Variants in TP63 observed in about 807,000 individuals in gnomAD.
TP63 encodes tumor protein p63.
Under a neutral mutation model 82.8 loss-of-function variants are expected in TP63, and 17 were observed. The observed-to-expected ratio is 0.21, with a 90% CI of 0.14 to 0.31. TP63 has a LOEUF of 0.31. Among genes scored for constraint, TP63 ranks in the 10% least tolerant of loss-of-function variants. TP63 has a pLI of 1.00. For synonymous variants in TP63, 330 were observed against 321.7 expected (o/e 1.03, Z -0.28); for missense variants, 648 against 895.3 (o/e 0.72, Z 3.52).
At chr3:189,742,286 AT>A (rs1157963511) in intron 3 of TP63, among the ~76,000 whole-genome samples, 1 of 147,452 alleles carries the variant, frequency 6.8e-6, no homozygotes, top group African/African-American at 2.5e-5. Context: ...TTTATATCCC[AT>A]CTTTGTATTA....
At chr3:189,824,209 TTTA>T (rs1052127513) in intron 4 of TP63, among the ~76,000 whole-genome samples, 3 of 151,658 alleles carry the variant, frequency 2.0e-5, no homozygotes, top group East Asian at 1.9e-4. Context: ...ATTTATTTAT[TTTA>T]TTATTATTAT....
chr3:189,872,618 A>G (rs1440661109), intron 9 of TP63, among the ~76,000 whole-genome samples: 2 of 152,168 alleles, frequency 1.3e-5, no homozygotes, highest in Non-Finnish European at 2.9e-5. Context: ...CTACAAGATG[A>G]CAGAGCATCT....
At chr3:189,752,227 G>T (rs13082345) in intron 3 of TP63, among the ~76,000 whole-genome samples, 36,885 of 152,094 alleles carry the variant, frequency 0.24, 5,632 homozygotes, top group Non-Finnish European at 0.35. Context: ...AGGCTGGAGT[G>T]CAGTGGCATG....
chr3:189,869,761 C>T (rs1039326635), intron 9 of TP63, among the ~76,000 whole-genome samples: 4 of 150,860 alleles, frequency 2.7e-5, no homozygotes, highest in Non-Finnish European at 5.9e-5. Context: ...TATGAAGGCT[C>T]CACTCTCATT....
At chr3:189,767,803 T>A (rs1723059481) in intron 3 of TP63, among the ~76,000 whole-genome samples, 1 of 152,118 alleles carries the variant, frequency 6.6e-6, no homozygotes, top group Non-Finnish European at 1.5e-5. Flanking sequence ...ATAAACAGAC[T>A]GTTGTACAGA....
rs182204956 is a variant in TP63, at chr3:189,788,426, G to T, written c.325-19846G>T. Among the ~76,000 whole-genome samples, 382 of 152,082 alleles carry T rather than the reference G, an allele frequency of 2.5e-3. 1 individual carries two copies. The highest frequency in any genetic ancestry group is 8.8e-3 in the African/African-American group (366 of 41,530). Reference sequence around the variant, plus strand: ...AGTCGTGAACGTATTTGCAAACTTTGTTTCTGAAATGTATGTTCTAATCTC... The same window carrying T: ...AGTCGTGAACGTATTTGCAAACTTTTTTTCTGAAATGTATGTTCTAATCTC... On this transcript the variant is annotated intron_variant, in intron 3 of 13. Coordinates refer to ENST00000264731, the MANE Select transcript of TP63 (RefSeq NM_003722.5).
chr3:189,689,450 C>A (rs1394006715), intron 1 of TP63, among the ~76,000 whole-genome samples: 1 of 151,724 alleles, frequency 6.6e-6, no homozygotes, highest in Non-Finnish European at 1.5e-5. Context: ...GAAACTGAGA[C>A]CCTGAGGTTC....
At chr3:189,879,665 G>C (rs943054229) in intron 10 of TP63, among the ~76,000 whole-genome samples, 1 of 151,770 alleles carries the variant, frequency 6.6e-6, no homozygotes, top group African/African-American at 2.4e-5. Flanking sequence ...CCAGTAAACC[G>C]TATGCGAAGC....
At chr3:189,825,305 C>G (rs1349966166) in intron 4 of TP63, among the ~76,000 whole-genome samples, 1 of 152,042 alleles carries the variant, frequency 6.6e-6, no homozygotes, top group Non-Finnish European at 1.5e-5. Flanking sequence ...AACTATACAC[C>G]CTGTTGGAGT....
chr3:189,812,361 TCA>T (rs1032586567), intron 4 of TP63, among the ~76,000 whole-genome samples: 7 of 152,218 alleles, frequency 4.6e-5, no homozygotes, highest in African/African-American at 1.7e-4. Context: ...CTTCTCTGTT[TCA>T]CACACACATA....
chr3:189,867,417 G>T (rs1165525702), intron 6 of TP63, among the ~76,000 whole-genome samples: 1 of 152,192 alleles, frequency 6.6e-6, no homozygotes, highest in Non-Finnish European at 1.5e-5. Context: ...ATTAATGGAA[G>T]TATATATTCA....
chr3:189,831,854 G>C (rs1712404489), intron 4 of TP63, among the ~76,000 whole-genome samples: 1 of 124,918 alleles, frequency 8.0e-6, no homozygotes, highest in Admixed American at 8.9e-5. Context: ...TTTTGAGACG[G>C]AGTCTCACTC....
chr3:189,608,224 T>A, the TP63 span, among the ~76,000 whole-genome samples: 3 of 152,264 alleles, frequency 2.0e-5, no homozygotes, highest in Admixed American at 2.0e-4. Context: ...TCCTTGGAAA[T>A]CTTGGGGAGG....
At chr3:189,885,127 G>A (rs1348125989) in intron 10 of TP63, among the ~76,000 whole-genome samples, 1 of 152,198 alleles carries the variant, frequency 6.6e-6, no homozygotes, top group African/African-American at 2.4e-5. Flanking sequence ...AGGTAAACAG[G>A]AACAACATAA....
At position 189,896,625 on chromosome 3, in the gene TP63, C is replaced by T. The variant is rs36064124; in HGVS notation, c.*2123C>T. On this transcript the variant is annotated 3_prime_UTR_variant, in exon 14 of 14. Transcript: ENST00000264731. ...GTCCTAGTAAGAAGACAAACTGCTT[C>T]CCTTACTTTGCTGAGGGTTTGAATA... is the stretch of plus-strand genomic sequence containing the variant. 367 of 208,754 alleles carry T rather than the reference C, an allele frequency of 1.8e-3. No homozygotes were observed. Among genetic ancestry groups the T allele is most frequent in the Middle Eastern group, 4.7e-3 (3 of 632 alleles). The allele number at this position is 208,754 out of a possible 1,614,324, so 12.9% of individuals were successfully genotyped here.
At chr3:189,713,028 G>T (rs1463718259) in intron 1 of TP63, among the ~76,000 whole-genome samples, 1 of 152,086 alleles carries the variant, frequency 6.6e-6, no homozygotes, top group African/African-American at 2.4e-5. Context: ...GAAAGAGCTA[G>T]GTTTGCCTGG....
At chr3:189,642,850 G>A (rs1351412923) in intron 1 of TP63, among the ~76,000 whole-genome samples, 1 of 150,836 alleles carries the variant, frequency 6.6e-6, no homozygotes, top group African/African-American at 2.4e-5. Flanking sequence ...TGATTTTAAA[G>A]CATAAATAAA....
intron 1 of TP63, chr3:189,645,324 CT>C: frequency 1.9e-6 from 1 of 516,774 alleles, no homozygotes; most frequent in Non-Finnish European, 3.7e-6. Flanking sequence ...TCCTTTTCCA[CT>C]TTCAGATCTT....
rs144974344 is a variant in TP63 at position 189,789,920 on chromosome 3, C to T, written c.325-18352C>T. ...TTTTGTAAAAAAACTTACGTATTTG[C>T]GGTTCTCGGTCACCCAATGTAATGT... is the stretch of plus-strand genomic sequence containing the variant. On this transcript the variant is annotated intron_variant, in intron 3 of 13. Transcript: ENST00000264731. 1.5e-4 allele frequency: 196 copies of T among 1,348,634 alleles called. 1 individual carries two copies. The African/African-American group carries it at 2.7e-3, about 18-fold the overall frequency. 83.5% of individuals were successfully genotyped at this position (1,348,634 alleles called of 1,614,324 possible).
Sources: gnomAD v4.1 joint callset for allele counts (sites outside exome capture counted in the v4.1 genomes callset) on GRCh38, gnomAD v4.1.1 for gene constraint, MANE v1.5 for transcripts, NCBI Gene and HGNC (gene_info 2026-07-23, HGNC 2026-07-21) for gene names.